CNIH3: variants seen among roughly 807,000 people sequenced by gnomAD.
CNIH3 encodes protein cornichon homolog 3.
Under a neutral mutation model 24.1 loss-of-function variants are expected in CNIH3, and 14 were observed. The ratio of observed to expected loss-of-function variants is 0.58; its 90% CI spans 0.38 to 0.91. The LOEUF (loss-of-function observed/expected upper bound fraction) is 0.91. Ranked by LOEUF, CNIH3 falls within the 40% of genes least tolerant of loss-of-function variation. The probability of loss-of-function intolerance (pLI) is 0.00; values close to 1 mark genes in which losing one functional copy is unlikely to be tolerated. For synonymous variants in CNIH3, 68 were observed against 73.8 expected (o/e 0.92, Z 0.40); for missense variants, 178 against 196.8 (o/e 0.90, Z 0.57).
chr1:224,582,582 C>A (rs1403304647), intron 4 of CNIH3, among the ~76,000 whole-genome samples: 1 of 152,172 alleles, frequency 6.6e-6, no homozygotes, highest in African/African-American at 2.4e-5. Context: ...ATGGAAGACA[C>A]TTTATTCACC....
At chr1:224,474,833 C>T (rs1436270280) in intron 1 of CNIH3, among the ~76,000 whole-genome samples, 3 of 151,576 alleles carry the variant, frequency 2.0e-5, no homozygotes, top group Admixed American at 2.0e-4. Context: ...CGAGACCATC[C>T]TGACTAACAC....
At chr1:224,524,156 C>T (rs1678751741) in intron 2 of CNIH3, among the ~76,000 whole-genome samples, 1 of 152,210 alleles carries the variant, frequency 6.6e-6, no homozygotes, top group Admixed American at 6.5e-5. Context: ...AAATGGGTCA[C>T]TAAAGGATCC....
intron 3 of CNIH3, among the ~76,000 whole-genome samples, chr1:224,598,704 A>G (rs530593590): frequency 1.3e-5 from 2 of 152,308 alleles, no homozygotes; most frequent in Admixed American, 1.3e-4. Context: ...CACCAGCAAA[A>G]AGATTAAGAC....
At chr1:224,500,095 C>G (rs1677592511) in intron 1 of CNIH3, among the ~76,000 whole-genome samples, 1 of 151,900 alleles carries the variant, frequency 6.6e-6, no homozygotes, top group Non-Finnish European at 1.5e-5. Context: ...CCTTGACCTC[C>G]TGGGCTCAAG....
chr1:224,456,316 C>G (rs1675651516), intron 1 of CNIH3, among the ~76,000 whole-genome samples: 1 of 152,298 alleles, frequency 6.6e-6, no homozygotes. Flanking sequence ...CTGTCTGATC[C>G]CTTCCCTAGC....
downstream of CNIH3, among the ~76,000 whole-genome samples, chr1:224,541,941 A>G (rs1218607391): frequency 6.6e-6 from 1 of 152,154 alleles, no homozygotes; most frequent in African/African-American, 2.4e-5. Context: ...TCAACTTGCT[A>G]CTGCTGTTTA....
intron 1 of CNIH3, among the ~76,000 whole-genome samples, chr1:224,486,293 T>G (rs1362116844): frequency 6.6e-6 from 1 of 151,704 alleles, no homozygotes; most frequent in Non-Finnish European, 1.5e-5. Flanking sequence ...GTTTTTTTTT[T>G]GTGGAGATAG....
At chr1:224,492,530 T>G (rs1183058451) in intron 1 of CNIH3, among the ~76,000 whole-genome samples, 2 of 152,246 alleles carry the variant, frequency 1.3e-5, no homozygotes, top group African/African-American at 4.8e-5. Flanking sequence ...ATTTAACCAT[T>G]GTTGCCATGG....
rs1682999273 is a variant in CNIH3, at chr1:224,616,547, G to T, written c.-628G>T. 1.0e-6 allele frequency: 1 copy of T among 986,950 alleles called. No homozygotes were observed. Among genetic ancestry groups the T allele is most frequent in the Non-Finnish European group, 1.2e-6 (1 of 830,900 alleles). 61.1% of individuals were successfully genotyped at this position (986,950 alleles called of 1,614,324 possible). ...GGCGCGCCTCGGAGCGCACGGCTGC[G>T]CTGGAAGCCGCGTCTGGGGCGCAGG... is the stretch of plus-strand genomic sequence containing the variant. On this transcript the variant is annotated 5_prime_UTR_variant, in exon 1 of 6. Transcript: ENST00000272133.
At chr1:224,548,836 G>A (rs1055623493) in intron 3 of CNIH3, among the ~76,000 whole-genome samples, 5 of 151,716 alleles carry the variant, frequency 3.3e-5, no homozygotes, top group East Asian at 1.9e-4. Context: ...AACAGGGGGT[G>A]TACACCCTGT....
intron 4 of CNIH3, among the ~76,000 whole-genome samples, chr1:224,570,523 T>A (rs1342203392): frequency 6.6e-6 from 1 of 152,036 alleles, no homozygotes; most frequent in Non-Finnish European, 1.5e-5. Flanking sequence ...GCTGCACCTA[T>A]CTTTTTCTAT....
chr1:224,666,535 A>T (rs1291139739), intron 1 of CNIH3, among the ~76,000 whole-genome samples: 1 of 152,122 alleles, frequency 6.6e-6, no homozygotes, highest in Non-Finnish European at 1.5e-5. Context: ...TCTGCAGGTG[A>T]TCATTAGAGT....
chr1:224,634,906 T>C (rs1684013018), intron 1 of CNIH3, among the ~76,000 whole-genome samples: 1 of 152,208 alleles, frequency 6.6e-6, no homozygotes, highest in Admixed American at 6.5e-5. Flanking sequence ...ATTAGCAAAG[T>C]TGGCAGTTTT....
At chr1:224,494,171 T>A (rs1677342953) in intron 1 of CNIH3, among the ~76,000 whole-genome samples, 1 of 152,224 alleles carries the variant, frequency 6.6e-6, no homozygotes, top group Admixed American at 6.5e-5. Flanking sequence ...ATCAGCAGTG[T>A]TGGTATTTCA....
intron 1 of CNIH3, among the ~76,000 whole-genome samples, chr1:224,485,144 T>C (rs1356160271): frequency 6.6e-6 from 1 of 152,244 alleles, no homozygotes; most frequent in Non-Finnish European, 1.5e-5. Flanking sequence ...CTCTGTTACA[T>C]ACCTGCCCTT....
In CNIH3 at chr1:224,616,502, C is replaced by T. The variant is rs1682994839; in HGVS notation, c.-673C>T. The T allele has an allele frequency of 3.0e-6, 3 of 987,690 alleles. No individual in the cohort carries two copies. The highest frequency in any genetic ancestry group is 1.7e-5 in the African/African-American group (1 of 57,266). 61.2% of individuals were successfully genotyped at this position (987,690 alleles called of 1,614,324 possible). On this transcript the variant is annotated 5_prime_UTR_variant, in exon 1 of 6. Coordinates refer to ENST00000272133, the MANE Select transcript of CNIH3 (RefSeq NM_152495.2). ...ACTTGGGTTGCGGAGGCCGGCTGGC[C>T]GGAGTCACGGTTGGGGACGGGCGCG... is the stretch of plus-strand genomic sequence containing the variant.
intron 1 of CNIH3, among the ~76,000 whole-genome samples, chr1:224,469,078 TTTTTA>T (rs946252845): frequency 2.0e-5 from 3 of 152,038 alleles, no homozygotes; most frequent in Non-Finnish European, 4.4e-5. Flanking sequence ...CTTTTCTTCT[TTTTTA>T]TTTTATTTTA....
upstream of CNIH3, among the ~76,000 whole-genome samples, chr1:224,511,015 C>A (rs552151462): frequency 6.6e-6 from 1 of 152,234 alleles, no homozygotes; most frequent in African/African-American, 2.4e-5. Flanking sequence ...TGAAAAAGAT[C>A]TCTGTTTATG....
chr1:224,629,735 C>T (rs1009794562), intron 1 of CNIH3, among the ~76,000 whole-genome samples: 1 of 152,008 alleles, frequency 6.6e-6, no homozygotes, highest in Non-Finnish European at 1.5e-5. Flanking sequence ...GGCAGAAACT[C>T]TTGGTCCTCA....
Sources: allele counts gnomAD v4.1 joint callset (sites outside exome capture counted in the v4.1 genomes callset), GRCh38; gene constraint gnomAD v4.1.1; transcripts MANE v1.5; gene names NCBI Gene and HGNC (gene_info 2026-07-23, HGNC 2026-07-21).